CDC42BPA: variants seen among roughly 807,000 people sequenced by gnomAD.
CDC42BPA encodes the protein CDC42 binding protein kinase alpha.
In CDC42BPA, 80 loss-of-function variants were observed where a neutral mutation model predicts 223.5. The ratio of observed to expected loss-of-function variants is 0.36; its 90% CI spans 0.30 to 0.43. The LOEUF (loss-of-function observed/expected upper bound fraction) is 0.43. CDC42BPA is among the 20% of genes least tolerant of loss of function. The pLI is 1.00. For missense variants in CDC42BPA, 1,743 were observed against 2,099.9 expected (o/e 0.83, Z 3.32); for synonymous variants, 694 against 718.6 (o/e 0.97, Z 0.55).
intron 5 of CDC42BPA, among the ~76,000 whole-genome samples, chr1:227,162,228 T>C (rs1664039481): frequency 6.6e-6 from 1 of 151,804 alleles, no homozygotes. Flanking sequence ...ACATAAAGCA[T>C]ATTATGTGAA....
At chr1:227,064,750 A>G (rs4512610) in intron 21 of CDC42BPA, among the ~76,000 whole-genome samples, 31,067 of 152,012 alleles carry the variant, frequency 0.2, 3,277 homozygotes, top group Middle Eastern at 0.26. Flanking sequence ...GGTTGAATGG[A>G]AATGCCTTTC....
intron 35 of CDC42BPA, among the ~76,000 whole-genome samples, chr1:226,999,039 A>C (rs1662235321): frequency 6.6e-6 from 1 of 152,198 alleles, no homozygotes; most frequent in Non-Finnish European, 1.5e-5. Flanking sequence ...AAACATACAA[A>C]AAAAAGCTCA....
At chr1:227,297,694 A>G (rs1029489769) in intron 1 of CDC42BPA, among the ~76,000 whole-genome samples, 2 of 152,082 alleles carry the variant, frequency 1.3e-5, no homozygotes, top group Non-Finnish European at 2.9e-5. Flanking sequence ...ACAAAATAAT[A>G]TTAAATGATT....
intron 1 of CDC42BPA, among the ~76,000 whole-genome samples, chr1:227,275,667 G>A (rs185790641): frequency 2.8e-3 from 422 of 149,410 alleles, no homozygotes; most frequent in Admixed American, 5.6e-3. Flanking sequence ...AGGCTGGACT[G>A]TACTGCCGCC....
At chr1:227,134,510 C>T (rs1658092340) in intron 10 of CDC42BPA, among the ~76,000 whole-genome samples, 1 of 113,236 alleles carries the variant, frequency 8.8e-6, no homozygotes, top group African/African-American at 2.7e-5. Flanking sequence ...ACCTTCCTAA[C>T]TCTCAGTGGA....
intron 12 of CDC42BPA, among the ~76,000 whole-genome samples, chr1:227,117,503 GGT>G (rs1687947681): frequency 6.6e-6 from 1 of 151,790 alleles, no homozygotes; most frequent in Non-Finnish European, 1.5e-5. Flanking sequence ...GTAGAGACTG[GGT>G]CTCATTCTGT....
intron 2 of CDC42BPA, among the ~76,000 whole-genome samples, chr1:227,222,949 T>C (rs1389319885): frequency 6.6e-6 from 1 of 152,050 alleles, no homozygotes; most frequent in African/African-American, 2.4e-5. Flanking sequence ...CCCCCCAAAT[T>C]CTCACAGTCC....
intron 15 of CDC42BPA, 28 bp from the exon 16 acceptor site, chr1:227,092,019 A>G: frequency 7.8e-7 from 1 of 1,277,342 alleles, no homozygotes; most frequent in Non-Finnish European, 1.1e-6. Flanking sequence ...ACAAAAGGAA[A>G]AAGGGGAATT....
At chr1:227,306,355 T>C (rs1692549043) in intron 1 of CDC42BPA, among the ~76,000 whole-genome samples, 3 of 151,968 alleles carry the variant, frequency 2.0e-5, no homozygotes, top group Admixed American at 2.0e-4. Flanking sequence ...CACACAGAGG[T>C]TGAATAAAAC....
chr1:227,146,700 T>A (rs775403640), intron 7 of CDC42BPA, among the ~76,000 whole-genome samples: 2 of 152,154 alleles, frequency 1.3e-5, no homozygotes, highest in Non-Finnish European at 2.9e-5. Flanking sequence ...TCTGTGTTGC[T>A]TCTAGTGTTC....
intron 2 of CDC42BPA, among the ~76,000 whole-genome samples, chr1:227,231,982 G>A (rs923492497): frequency 7.2e-5 from 11 of 152,102 alleles, no homozygotes; most frequent in African/African-American, 1.9e-4. Context: ...AAGCTCTTTA[G>A]TTTAATTAGA....
chr1:227,204,999 C>T (rs1672408326), intron 3 of CDC42BPA, among the ~76,000 whole-genome samples: 1 of 152,030 alleles, frequency 6.6e-6, no homozygotes, highest in African/African-American at 2.4e-5. Flanking sequence ...TGGCTCGCGC[C>T]TGTAATCCCA....
chr1:227,070,339 G>C (rs750049695), intron 20 of CDC42BPA, among the ~76,000 whole-genome samples: 1 of 150,558 alleles, frequency 6.6e-6, no homozygotes, highest in South Asian at 2.1e-4. Context: ...TCTGATTTCA[G>C]GTATTTTTTT....
At chr1:227,270,429 G>T (rs1004785420) in intron 1 of CDC42BPA, among the ~76,000 whole-genome samples, 2 of 152,100 alleles carry the variant, frequency 1.3e-5, no homozygotes, top group Non-Finnish European at 2.9e-5. Flanking sequence ...TATGGCATCT[G>T]GGGTCAGACA....
In CDC42BPA at chr1:227,241,124, T is replaced by C. The variant is rs1679945034; in HGVS notation, c.270+12940A>G. Among the ~76,000 whole-genome samples the C allele has an allele frequency of 2.6e-5, 4 of 152,186 alleles. No homozygotes were observed. In the South Asian group the frequency reaches 8.3e-4, roughly 32 times the overall value. ...CAAAAACCCCATGATTATGCTGATATATAACACAAATGCAAACAACAATGA... is the reference window on the plus strand; with the variant it reads ...CAAAAACCCCATGATTATGCTGATACATAACACAAATGCAAACAACAATGA... On this transcript the variant is annotated intron_variant, in intron 2 of 36. Transcript: ENST00000366766.
chr1:227,023,446 C>A, intron 31 of CDC42BPA, 99 bp from the exon 32 acceptor site: 2 of 542,574 alleles, frequency 3.7e-6, no homozygotes, highest in South Asian at 5.4e-5. Flanking sequence ...TAAGACTTCT[C>A]ATTTATCTAC....
intron 6 of CDC42BPA, among the ~76,000 whole-genome samples, chr1:227,152,001 C>T (rs1018488559): frequency 2.0e-5 from 3 of 151,570 alleles, no homozygotes; most frequent in Non-Finnish European, 4.4e-5. Flanking sequence ...CCAGCCTAGG[C>T]GACAGAGCAA....
At chr1:227,243,777 C>CAA (rs902483914) in intron 2 of CDC42BPA, among the ~76,000 whole-genome samples, 7 of 151,702 alleles carry the variant, frequency 4.6e-5, no homozygotes, top group Non-Finnish European at 7.4e-5. Context: ...CACACACACA[C>CAA]ACACACACAC....
At chr1:227,278,385 T>A (rs923014516) in intron 1 of CDC42BPA, among the ~76,000 whole-genome samples, 2 of 152,210 alleles carry the variant, frequency 1.3e-5, no homozygotes, top group African/African-American at 4.8e-5. Context: ...GTCCACAACA[T>A]AATCTAATTG....
Sources: allele counts gnomAD v4.1 joint callset (sites outside exome capture counted in the v4.1 genomes callset), GRCh38; gene constraint gnomAD v4.1.1; transcripts MANE v1.5; gene names NCBI Gene and HGNC (gene_info 2026-07-23, HGNC 2026-07-21).